Variants in PRTFDC1 observed in about 807,000 individuals in gnomAD.
PRTFDC1 encodes phosphoribosyl transferase domain containing 1.
A neutral mutation model predicts 34.6 loss-of-function variants in PRTFDC1; 38 were observed. The observed-to-expected ratio is 1.10, with a 90% CI of 0.85 to 1.44. PRTFDC1 has a LOEUF of 1.44. Among genes scored for constraint, PRTFDC1 ranks in the 40% most tolerant of loss-of-function variants. The pLI is 0.00. For synonymous variants in PRTFDC1, 93 were observed against 98.1 expected (o/e 0.95, Z 0.31); for missense variants, 270 against 283.0 (o/e 0.95, Z 0.33).
At chr10:24,878,992 T>C (rs1257623374) in intron 3 of PRTFDC1, among the ~76,000 whole-genome samples, 1 of 152,194 alleles carries the variant, frequency 6.6e-6, no homozygotes, top group African/African-American at 2.4e-5. Context: ...TCGCTGATAC[T>C]CTATCAAATG....
intron 4 of PRTFDC1, among the ~76,000 whole-genome samples, chr10:24,860,335 T>A (rs1040755606): frequency 6.6e-6 from 1 of 152,058 alleles, no homozygotes; most frequent in Non-Finnish European, 1.5e-5. Context: ...GAACCAAGAT[T>A]GCACCACTGC....
chr10:24,869,449 A>G (rs1847840505), intron 4 of PRTFDC1, among the ~76,000 whole-genome samples: 1 of 152,160 alleles, frequency 6.6e-6, no homozygotes, highest in South Asian at 2.1e-4. Flanking sequence ...AAACAAATGG[A>G]TTTTAATAGT....
chr10:24,926,973 G>A (rs900214153), intron 3 of PRTFDC1, among the ~76,000 whole-genome samples: 3 of 152,158 alleles, frequency 2.0e-5, no homozygotes, highest in Non-Finnish European at 4.4e-5. Flanking sequence ...TATGAAGAAT[G>A]TATGTCAAGA....
At chr10:24,949,153 G>A (rs780545190) in intron 1 of PRTFDC1, among the ~76,000 whole-genome samples, 2 of 152,060 alleles carry the variant, frequency 1.3e-5, no homozygotes, top group Non-Finnish European at 1.5e-5. Context: ...GCAGTGGCAC[G>A]ATCATGGCTC....
At chr10:24,936,505 C>T (rs528832364) in intron 3 of PRTFDC1, among the ~76,000 whole-genome samples, 6 of 152,246 alleles carry the variant, frequency 3.9e-5, no homozygotes, top group East Asian at 1.9e-4. Context: ...AGGCTGGTCT[C>T]GAACTCCTGG....
intron 3 of PRTFDC1, among the ~76,000 whole-genome samples, chr10:24,883,744 C>T (rs1165792904): frequency 6.6e-6 from 1 of 151,962 alleles, no homozygotes; most frequent in East Asian, 1.9e-4. Flanking sequence ...CAAAGACTCC[C>T]CAAAGACTCC....
intron 1 of PRTFDC1, among the ~76,000 whole-genome samples, chr10:24,944,153 C>T (rs1368201461): frequency 1.3e-5 from 2 of 152,098 alleles, no homozygotes; most frequent in Admixed American, 6.6e-5. Flanking sequence ...TGACTGCCCC[C>T]GGCCTCTGAT....
In PRTFDC1 at chr10:24,908,405, C is replaced by G. The variant is rs1848570564; in HGVS notation, c.339+28779G>C. 13 of 1,452,674 alleles carry G rather than the reference C, an allele frequency of 8.9e-6. No homozygotes were observed. In the East Asian group the frequency reaches 3.0e-4, roughly 33 times the overall value. 90.0% of individuals were successfully genotyped at this position (1,452,674 alleles called of 1,614,324 possible). A position where few individuals can be genotyped will look rare whatever the true frequency, so the allele number is the denominator to read the frequency against. On this transcript the variant is annotated intron_variant, in intron 3 of 8. Transcript: ENST00000320152. Reference sequence around the variant, plus strand: ...ATACATCATCCAGCAGACACAGTGTCCAGTTTCTTCATGAAGACTGTGGGC... The same window carrying G: ...ATACATCATCCAGCAGACACAGTGTGCAGTTTCTTCATGAAGACTGTGGGC...
In PRTFDC1 at chr10:24,849,191, C is replaced by A. The variant is rs1280618523; in HGVS notation, c.*653G>T. 6.6e-6 allele frequency: 1 copy of A among 152,642 alleles called. No individual in the cohort carries two copies. Among genetic ancestry groups the A allele is most frequent in the Non-Finnish European group, 1.5e-5 (1 of 68,060 alleles). The allele number at this position is 152,642 out of a possible 1,614,324, so 9.5% of individuals were successfully genotyped here. On this transcript the variant is annotated 3_prime_UTR_variant, in exon 9 of 9. Transcript: ENST00000320152. Reference sequence around the variant, plus strand: ...CATCCATGCATACATGACATACCGTCATCACATACCGGAAGCTCCAATCAA... The same window carrying A: ...CATCCATGCATACATGACATACCGTAATCACATACCGGAAGCTCCAATCAA...
chr10:24,880,813 C>CTCTTTCTTTCTTTCTTTCTTT lies in PRTFDC1; in HGVS notation c.340-8771_340-8751dup, dbSNP rs1848055826. Among the ~76,000 whole-genome samples, 8 of 115,016 alleles carry CTCTTTCTTTCTTTCTTTCTTT rather than the reference C, an allele frequency of 7.0e-5. No homozygotes were observed. In the East Asian group the frequency reaches 8.2e-4, roughly 12 times the overall value. The allele number at this position is 115,016 out of a possible 152,430, so 75.5% of individuals were successfully genotyped here. ...TCCATCATTCCACTTTACTGTCTTT[C>CTCTTTCTTTCTTTCTTTCTTT]TCTTTCTTTCTTTCTTTCTTTCTTT... On this transcript the variant is annotated intron_variant, in intron 3 of 8. Transcript: ENST00000320152.
chr10:24,937,297 T>C lies in PRTFDC1; in HGVS notation c.226A>G (p.Lys76Glu). 1.2e-6 allele frequency: 2 copies of C among 1,614,062 alleles called. No homozygotes were observed. Among genetic ancestry groups the C allele is most frequent in the South Asian group, 1.1e-5 (1 of 91,082 alleles). ...YSDIMVLCVL[K>E]GGYKFCADLV... is the part of the protein sequence containing the mutation. ...TCAGCACAGAATTTGTAACCTCCTT[T>C]AAGCACACACAGGACCATGATGTCA... The change falls in exon 3 of 9, where the codon AAA becomes GAA. Residue 76 changes from lysine (K) to glutamate (E), a missense_variant. Physicochemically the swap from Lys to Glu is moderately conservative, Grantham distance 56. Transcript: ENST00000320152.
chr10:24,950,718 C>G (rs1030330595), intron 1 of PRTFDC1, among the ~76,000 whole-genome samples: 1 of 152,018 alleles, frequency 6.6e-6, no homozygotes, highest in African/African-American at 2.4e-5. Flanking sequence ...AGTTCTTTCT[C>G]GGTTCCTTCA....
At chr10:24,932,587 C>T (rs1044515485) in intron 3 of PRTFDC1, among the ~76,000 whole-genome samples, 12 of 151,736 alleles carry the variant, frequency 7.9e-5, no homozygotes, top group Non-Finnish European at 1.5e-4. Flanking sequence ...TATATCTAAC[C>T]AAATATGCCT....
intron 3 of PRTFDC1, among the ~76,000 whole-genome samples, chr10:24,914,022 G>A (rs1337597015): frequency 6.6e-6 from 1 of 152,154 alleles, no homozygotes; most frequent in Non-Finnish European, 1.5e-5. Flanking sequence ...AACTCTAGTA[G>A]GAAAAGTGAA....
chr10:24,904,889 C>T lies in PRTFDC1; in HGVS notation c.339+32295G>A, dbSNP rs371011402. On this transcript the variant is annotated intron_variant, in intron 3 of 8. Transcript: ENST00000320152. ...AGTGTCAATTTCCACCTTATGCCAA[C>T]GACTCCTCCTTTCACTTTTATCTCT... 1.3e-4 allele frequency among the ~76,000 whole-genome samples: 20 copies of T among 152,312 alleles called. No homozygotes were observed. In the East Asian group the frequency reaches 1.9e-3, roughly 15 times the overall value.
intron 1 of PRTFDC1, among the ~76,000 whole-genome samples, chr10:24,948,759 C>T (rs930711004): frequency 6.6e-6 from 1 of 152,176 alleles, no homozygotes; most frequent in African/African-American, 2.4e-5. Context: ...ATCTTTCCAA[C>T]GACTTCATCT....
At chr10:24,946,151 C>G (rs187562406) in intron 1 of PRTFDC1, among the ~76,000 whole-genome samples, 1 of 152,204 alleles carries the variant, frequency 6.6e-6, no homozygotes. Context: ...CCACATCAAT[C>G]CTTTACTGCC....
chr10:24,890,095 C>G (rs1351431700), intron 3 of PRTFDC1, among the ~76,000 whole-genome samples: 1 of 152,204 alleles, frequency 6.6e-6, no homozygotes, highest in African/African-American at 2.4e-5. Context: ...AAAGGAAGTT[C>G]CAGGACCCCT....
chr10:24,881,112 C>A (rs1848073921), intron 3 of PRTFDC1, among the ~76,000 whole-genome samples: 1 of 150,796 alleles, frequency 6.6e-6, no homozygotes, highest in Non-Finnish European at 1.5e-5. Flanking sequence ...CTGTCATCCA[C>A]ATGGGAAAGC....
Sources: allele counts gnomAD v4.1 joint callset (sites outside exome capture counted in the v4.1 genomes callset), GRCh38; gene constraint gnomAD v4.1.1; transcripts MANE v1.5; gene names NCBI Gene and HGNC (gene_info 2026-07-23, HGNC 2026-07-21).